POU3F3: variants seen among roughly 807,000 people sequenced by gnomAD.
POU3F3 encodes the protein POU domain, class 3, transcription factor 3.
A neutral mutation model predicts 8.6 loss-of-function variants in POU3F3; 1 was observed. The ratio of observed to expected loss-of-function variants is 0.12; its 90% CI spans 0.04 to 0.55. POU3F3 has a LOEUF of 0.55. Ranked by LOEUF, POU3F3 falls within the 20% of genes least tolerant of loss-of-function variation. The pLI is 0.91. For synonymous variants in POU3F3, 418 were observed against 327.4 expected (o/e 1.28, Z -2.99); for missense variants, 577 against 690.7 (o/e 0.84, Z 1.84).
At chr2:104,905,822 T>C in the POU3F3 span, among the ~76,000 whole-genome samples, 1 of 152,204 alleles carries the variant, frequency 6.6e-6, no homozygotes, top group Non-Finnish European at 1.5e-5. Context: ...CCCACTCTAA[T>C]TCAGTATGAC....
At chr2:104,900,487 C>G in the POU3F3 span, among the ~76,000 whole-genome samples, 1 of 152,166 alleles carries the variant, frequency 6.6e-6, no homozygotes, top group African/African-American at 2.4e-5. Flanking sequence ...GAAGAAAATA[C>G]GCTTTAAATA....
chr2:104,922,160 A>C, the POU3F3 span, among the ~76,000 whole-genome samples: 2 of 152,212 alleles, frequency 1.3e-5, no homozygotes, highest in Non-Finnish European at 2.9e-5. Flanking sequence ...AAAAACAAAA[A>C]TAGAAATCAA....
the POU3F3 span, among the ~76,000 whole-genome samples, chr2:104,918,481 G>T: frequency 6.6e-6 from 1 of 152,188 alleles, no homozygotes; most frequent in East Asian, 1.9e-4. Context: ...TACTGGTGGA[G>T]GGTGGGCCCT....
chr2:104,894,281 C>T, the POU3F3 span, among the ~76,000 whole-genome samples: 6 of 152,316 alleles, frequency 3.9e-5, no homozygotes, highest in South Asian at 1.2e-3. Flanking sequence ...CTGCATTGAC[C>T]ACACTGACAT....
At chr2:104,920,068 G>T in the POU3F3 span, among the ~76,000 whole-genome samples, 5 of 152,104 alleles carry the variant, frequency 3.3e-5, no homozygotes, top group Admixed American at 1.3e-4. Flanking sequence ...AGGCTGGAGT[G>T]CACTGGCGCA....
At chr2:104,878,982 G>A in the POU3F3 span, among the ~76,000 whole-genome samples, 1 of 150,772 alleles carries the variant, frequency 6.6e-6, no homozygotes, top group Non-Finnish European at 1.5e-5. Flanking sequence ...ACACAACACG[G>A]CACACACAAC....
chr2:104,879,500 A>T, the POU3F3 span, among the ~76,000 whole-genome samples: 1 of 152,142 alleles, frequency 6.6e-6, no homozygotes, highest in Non-Finnish European at 1.5e-5. Context: ...TTGAAAAAAA[A>T]AATTACCTGT....
chr2:104,881,987 A>T, the POU3F3 span, among the ~76,000 whole-genome samples: 3 of 152,198 alleles, frequency 2.0e-5, no homozygotes, highest in African/African-American at 7.2e-5. Flanking sequence ...TAAAACCTGG[A>T]CTTTAAAGAA....
the POU3F3 span, among the ~76,000 whole-genome samples, chr2:104,898,258 T>A: frequency 6.6e-6 from 1 of 152,212 alleles, no homozygotes; most frequent in Non-Finnish European, 1.5e-5. Flanking sequence ...GATTTCGGAC[T>A]TCCAGCTTCC....
At chr2:104,902,277 A>G in the POU3F3 span, among the ~76,000 whole-genome samples, 1 of 152,164 alleles carries the variant, frequency 6.6e-6, no homozygotes, top group Non-Finnish European at 1.5e-5. Flanking sequence ...CAGAGTTTTC[A>G]TGTTTTAAAA....
chr2:104,863,159 A>ATT (rs1233489018), downstream of POU3F3, among the ~76,000 whole-genome samples: 1 of 134,844 alleles, frequency 7.4e-6, no homozygotes, highest in East Asian at 2.1e-4. Flanking sequence ...TCATAATAAC[A>ATT]ATTATTATTA....
chr2:104,908,419 A>G, the POU3F3 span, among the ~76,000 whole-genome samples: 1 of 152,264 alleles, frequency 6.6e-6, no homozygotes. Context: ...GCTGTGGATA[A>G]GAAGATGAGA....
chr2:104,893,750 G>T, the POU3F3 span, among the ~76,000 whole-genome samples: 2 of 152,080 alleles, frequency 1.3e-5, no homozygotes, highest in East Asian at 3.9e-4. Flanking sequence ...GGGCATGGTG[G>T]CAGGTGCCTG....
chr2:104,870,669 G>A, the POU3F3 span, among the ~76,000 whole-genome samples: 1 of 152,190 alleles, frequency 6.6e-6, no homozygotes, highest in Non-Finnish European at 1.5e-5. Context: ...TAGCCTGCCT[G>A]CTTCATGGTG....
At chr2:104,900,825 TCGGCTCACTACCGAG>T in the POU3F3 span, among the ~76,000 whole-genome samples, 2 of 152,192 alleles carry the variant, frequency 1.3e-5, no homozygotes, top group African/African-American at 4.8e-5. Context: ...TGGCACACCC[TCGGCTCACTACCGAG>T]TGAATGAGAG....
the POU3F3 span, among the ~76,000 whole-genome samples, chr2:104,868,812 A>G: frequency 6.6e-6 from 1 of 152,212 alleles, no homozygotes. Flanking sequence ...ACTGTATTTT[A>G]TGCAACTGAA....
chr2:104,891,991 A>G, the POU3F3 span, among the ~76,000 whole-genome samples: 1 of 152,174 alleles, frequency 6.6e-6, no homozygotes, highest in Non-Finnish European at 1.5e-5. Context: ...AGGTATAAAC[A>G]GGGAGACATT....
the POU3F3 span, among the ~76,000 whole-genome samples, chr2:104,880,774 G>A: frequency 6.6e-6 from 1 of 152,108 alleles, no homozygotes; most frequent in Non-Finnish European, 1.5e-5. Context: ...AGCAATGCCC[G>A]AGAGCACCAT....
the POU3F3 span, among the ~76,000 whole-genome samples, chr2:104,869,271 G>T: frequency 7.9e-5 from 12 of 152,368 alleles, no homozygotes; most frequent in Middle Eastern, 3.4e-3. Flanking sequence ...CAGGGGACAG[G>T]TTCTGAACAA....
Sources: allele counts gnomAD v4.1 joint callset (sites outside exome capture counted in the v4.1 genomes callset), GRCh38; gene constraint gnomAD v4.1.1; transcripts MANE v1.5; gene names NCBI Gene and HGNC (gene_info 2026-07-23, HGNC 2026-07-21).